Variants in GFRA3 observed in about 807,000 individuals in gnomAD.
GFRA3 encodes GDNF family receptor alpha 3.
Under a neutral mutation model 40.0 loss-of-function variants are expected in GFRA3, and 24 were observed. The ratio of observed to expected loss-of-function variants is 0.60; its 90% confidence interval spans 0.43 to 0.84. The LOEUF (loss-of-function observed/expected upper bound fraction) is 0.84. Among genes scored for constraint, GFRA3 ranks in the 40% least tolerant of loss-of-function variants. The pLI is 0.00. For synonymous variants in GFRA3, 203 were observed against 213.5 expected (o/e 0.95, Z 0.43); for missense variants, 405 against 530.6 (o/e 0.76, Z 2.33).
intron 1 of GFRA3, among the ~76,000 whole-genome samples, chr5:138,273,320 T>C (rs1402383491): frequency 6.6e-6 from 1 of 152,198 alleles, no homozygotes; most frequent in Non-Finnish European, 1.5e-5. Flanking sequence ...TGCTGTCAAG[T>C]ATTACTGTGG....
In GFRA3 at chr5:138,258,334, C is replaced by T. The variant is rs188901489; in HGVS notation, c.473-383G>A. On this transcript the variant is annotated intron_variant, in intron 3 of 7. Transcript: ENST00000274721. ...TAGCTGGGATTACACGCATGCGCCA[C>T]GACGCCCGGCTAATTTTTTGTATTT... Among the ~76,000 whole-genome samples the T allele has an allele frequency of 3.1e-4, 47 of 151,860 alleles. No individual in the cohort carries two copies. In the East Asian group the frequency reaches 7.6e-3, roughly 24 times the overall value.
At chr5:138,273,508 G>C (rs1581516583) in intron 1 of GFRA3, among the ~76,000 whole-genome samples, 1 of 152,258 alleles carries the variant, frequency 6.6e-6, no homozygotes. Flanking sequence ...CAGGTGGACA[G>C]ACCAGGGTTT....
Position 138,274,603 on chromosome 5 carries a change from G to T in GFRA3, c.-179C>A, listed in dbSNP as rs1755924953. The T allele has an allele frequency of 1.6e-6, 2 of 1,222,234 alleles. No homozygotes were observed. The highest frequency in any genetic ancestry group is 1.0e-6 in the Non-Finnish European group (1 of 982,472). 75.7% of individuals were successfully genotyped at this position (1,222,234 alleles called of 1,614,324 possible). A position where few individuals can be genotyped will look rare whatever the true frequency, so the allele number is the denominator to read the frequency against. ...ACTCCGAAGCGCGCGTCCACACCAC[G>T]CGCCTCCAGCGCTGGTCCGAGGGAC... On this transcript the variant is annotated 5_prime_UTR_variant, in exon 1 of 8. Coordinates refer to ENST00000274721, the MANE Select transcript of GFRA3 (RefSeq NM_001496.4).
intron 2 of GFRA3, 98 bp downstream of exon 2, chr5:138,264,163 C>T: frequency 1.1e-6 from 1 of 910,962 alleles, no homozygotes; most frequent in Admixed American, 2.3e-5. Flanking sequence ...TATCCTCCTC[C>T]TCAGATTCTA....
Position 138,264,278 on chromosome 5 carries a change from T to C in GFRA3, c.362A>G (p.His121Arg), listed in dbSNP as rs753004295. 5.6e-6 allele frequency: 9 copies of C among 1,599,694 alleles called. No individual in the cohort carries two copies. The highest frequency in any genetic ancestry group is 7.7e-6 in the Non-Finnish European group (9 of 1,168,392). The stretch of plus-strand genomic sequence containing the variant: ...AGCCTCACCAAGGCTGCGGGCACGG[T>C]GAACGGTCCAATAGATGTCCAAGCA... ...VACLDIYWTVHRARSLGNYEL... is the reference protein window; with the variant it reads ...VACLDIYWTVRRARSLGNYEL... Residue 121 changes from histidine to arginine, a missense_variant, in exon 2 of 8, where the codon CAC becomes CGC. Physicochemically the swap from His to Arg is conservative, Grantham distance 29. Coordinates refer to ENST00000274721, the MANE Select transcript of GFRA3 (RefSeq NM_001496.4).
intron 1 of GFRA3, among the ~76,000 whole-genome samples, chr5:138,266,241 AC>A (rs762841423): frequency 4.6e-5 from 7 of 152,140 alleles, no homozygotes; most frequent in African/African-American, 7.2e-5. Flanking sequence ...TTTTTGAGGA[AC>A]CGCCAAATTG....
At chr5:138,266,363 A>G (rs1755783008) in intron 1 of GFRA3, among the ~76,000 whole-genome samples, 2 of 152,158 alleles carry the variant, frequency 1.3e-5, no homozygotes, top group African/African-American at 4.8e-5. Context: ...AATTATAACC[A>G]TCCTTGTGAG....
In GFRA3 at chr5:138,252,937, T is replaced by G; in HGVS notation, c.*31A>C. On this transcript the variant is annotated 3_prime_UTR_variant, in exon 8 of 8. Coordinates refer to ENST00000274721, the MANE Select transcript of GFRA3 (RefSeq NM_001496.4). ...GGGCTGCAAGTCCACCTGGGTGTGG[T>G]GGAGGGGAAGAGGGCCCTGGGGAAG... The G allele has an allele frequency of 8.2e-7, 1 of 1,212,578 alleles. No homozygotes were observed. The highest frequency in any genetic ancestry group is 1.2e-6 in the Non-Finnish European group (1 of 815,914). 75.1% of individuals were successfully genotyped at this position (1,212,578 alleles called of 1,614,324 possible).
chr5:138,274,523 G>A lies in GFRA3; in HGVS notation c.-99C>T, dbSNP rs940945823. 28 of 1,066,374 alleles carry A rather than the reference G, an allele frequency of 2.6e-5. No homozygotes were observed. The highest frequency in any genetic ancestry group is 4.3e-5 in the Admixed American group (1 of 23,446). The allele number at this position is 1,066,374 out of a possible 1,614,324, so 66.1% of individuals were successfully genotyped here. On this transcript the variant is annotated 5_prime_UTR_variant, in exon 1 of 8. Transcript: ENST00000274721. ...CCGGCACCTCCCGCCCCCGCCTCCC[G>A]CCCTCCAGCGCGACGCACACACTCT...
chr5:138,274,385 C>T lies in GFRA3; in HGVS notation c.40G>A (p.Val14Ile). The change falls in exon 1 of 8, where the codon GTC becomes ATC. Residue 14 changes from valine to isoleucine, a missense_variant. Physicochemically the swap from Val to Ile is conservative, Grantham distance 29. Coordinates refer to ENST00000274721, the MANE Select transcript of GFRA3 (RefSeq NM_001496.4). ...GGCAGCAGCAGCAGCAACATCAGGA[C>T]TACGGGCGGCAGCGGTCGCGGGTTC... The part of the protein sequence containing the change: ...PLNPRPLPPV[V>I]LMLLLLLPPS... The T allele has an allele frequency of 7.5e-7, 1 of 1,326,642 alleles. No individual in the cohort carries two copies. Among genetic ancestry groups the T allele is most frequent in the South Asian group, 2.3e-5 (1 of 42,830 alleles). The allele number at this position is 1,326,642 out of a possible 1,614,324, so 82.2% of individuals were successfully genotyped here.
At chr5:138,257,615 A>C in intron 4 of GFRA3, 24 bp downstream of exon 4, 5 of 1,589,298 alleles carry the variant, frequency 3.1e-6, no homozygotes, top group Non-Finnish European at 3.4e-6. Flanking sequence ...ATCCCTGCCC[A>C]CCCTGTCCTC....
chr5:138,259,605 T>C lies in GFRA3; in HGVS notation c.424A>G (p.Ser142Gly). ...CTGAGATTCATTTTCCAGGGTTTGC[T>C]GGTCACTGTGTCTTCATAGGGGGAG... ...DVSPYEDTVT[S>G]KPWKMNLSKL... Residue 142 changes from serine to glycine, a missense_variant, in exon 3 of 8, where the codon AGC becomes GGC. Physicochemically the swap from Ser to Gly is moderately conservative, Grantham distance 56. Transcript: ENST00000274721. 6.4e-7 allele frequency: 1 copy of C among 1,570,124 alleles called. No individual in the cohort carries two copies. The highest frequency in any genetic ancestry group is 8.8e-7 in the Non-Finnish European group (1 of 1,139,810).
At position 138,274,503 on chromosome 5, in the gene GFRA3, ACCTCCCGCCCCCG is replaced by A. The variant is rs796448995; in HGVS notation, c.-92_-80del. 4.9e-4 allele frequency: 609 copies of A among 1,238,740 alleles called. No homozygotes were observed. The highest frequency in any genetic ancestry group is 1.2e-3 in the African/African-American group (74 of 64,346). 76.7% of individuals were successfully genotyped at this position (1,238,740 alleles called of 1,614,324 possible). A position where few individuals can be genotyped will look rare whatever the true frequency, so the allele number is the denominator to read the frequency against. On this transcript the variant is annotated 5_prime_UTR_variant, in exon 1 of 8. Coordinates refer to ENST00000274721, the MANE Select transcript of GFRA3 (RefSeq NM_001496.4). ...TGAGAGCGGGGCTCCCTCGACCGGC[ACCTCCCGCCCCCG>A]CCTCCCGCCCTCCAGCGCGACGCAC...
chr5:138,259,788 T>C, intron 2 of GFRA3, 139 bp from the exon 3 acceptor site: 1 of 676,326 alleles, frequency 1.5e-6, no homozygotes, highest in Non-Finnish European at 2.7e-6. Context: ...CTGCAAGCTG[T>C]GCAAAGATGA....
chr5:138,258,130 T>C (rs1755659770), intron 3 of GFRA3, among the ~76,000 whole-genome samples, 179 bp from the exon 4 acceptor site: 1 of 146,290 alleles, frequency 6.8e-6, no homozygotes, highest in Non-Finnish European at 1.5e-5. Context: ...CCACAAACTC[T>C]ACCTGCTGTT....
At chr5:138,256,530 A>AG (rs1307436390) in intron 4 of GFRA3, among the ~76,000 whole-genome samples, 37 of 151,068 alleles carry the variant, frequency 2.4e-4, no homozygotes, top group Non-Finnish European at 8.8e-5. Context: ...TCCATCTCAA[A>AG]AAAAACAAAC....
intron 1 of GFRA3, among the ~76,000 whole-genome samples, chr5:138,273,701 G>C (rs915805770): frequency 6.6e-6 from 1 of 152,154 alleles, no homozygotes; most frequent in African/African-American, 2.4e-5. Flanking sequence ...GGGCCTTCCA[G>C]GGATCTCGGA....
At chr5:138,260,567 G>A (rs1159705405) in intron 2 of GFRA3, among the ~76,000 whole-genome samples, 5 of 152,218 alleles carry the variant, frequency 3.3e-5, no homozygotes, top group African/African-American at 7.2e-5. Flanking sequence ...TCAGGAGTTC[G>A]AGACCAGCCT....
intron 1 of GFRA3, among the ~76,000 whole-genome samples, chr5:138,270,205 C>CAAAAA (rs34014240): frequency 4.1e-5 from 3 of 72,470 alleles, no homozygotes; most frequent in East Asian, 4.3e-4. Flanking sequence ...ACTAAAAATA[C>CAAAAA]AAAAAAAAAA....
Sources: gnomAD v4.1 joint callset for allele counts (sites outside exome capture counted in the v4.1 genomes callset) on GRCh38, gnomAD v4.1.1 for gene constraint, MANE v1.5 for transcripts, NCBI Gene and HGNC (gene_info 2026-07-23, HGNC 2026-07-21) for gene names.